The following KCNU1 variants were observed in gnomAD, a reference collection of about 807,000 sequenced individuals.
KCNU1 encodes the protein potassium calcium-activated channel subfamily U member 1.
A neutral mutation model predicts 126.8 loss-of-function variants in KCNU1; 93 were observed. The observed-to-expected ratio is 0.73, with a 90% CI of 0.62 to 0.87. The LOEUF (loss-of-function observed/expected upper bound fraction) is 0.87. Ranked by LOEUF, KCNU1 falls within the 40% of genes least tolerant of loss-of-function variation. The pLI is 0.00. For missense variants in KCNU1, 1,330 were observed against 1,367.1 expected (o/e 0.97, Z 0.43); for synonymous variants, 523 against 494.2 (o/e 1.06, Z -0.77).
Position 36,845,659 on chromosome 8 carries a change from G to C in KCNU1, c.1783G>C (p.Asp595His). 6.2e-7 allele frequency: 1 copy of C among 1,601,332 alleles called. No individual in the cohort carries two copies. The highest frequency in any genetic ancestry group is 8.6e-7 in the Non-Finnish European group (1 of 1,168,536). ...GTTCTTTATTGCTGAAACTCCAAAG[G>C]ACGTCAGAAGGTAATTTTATTATTT... ...LGFFIAETPK[D>H]VRRALFYCSV... The change falls in exon 17 of 27, where the codon GAC becomes CAC. Residue 595 changes from aspartate to histidine, a missense_variant. Coordinates refer to ENST00000399881, the MANE Select transcript of KCNU1 (RefSeq NM_001031836.3).
At chr8:36,865,588 A>G (rs1156807306) in intron 19 of KCNU1, among the ~76,000 whole-genome samples, 1 of 147,696 alleles carries the variant, frequency 6.8e-6, no homozygotes, top group Non-Finnish European at 1.5e-5. Context: ...GCAATATAGA[A>G]AGACCCTGTC....
At chr8:36,841,384 C>T (rs1485580044) in intron 16 of KCNU1, among the ~76,000 whole-genome samples, 1 of 152,124 alleles carries the variant, frequency 6.6e-6, no homozygotes, top group African/African-American at 2.4e-5. Context: ...TTCCCACAAA[C>T]ACTGGCCATG....
chr8:36,869,542 G>A (rs1035045964), intron 19 of KCNU1, among the ~76,000 whole-genome samples: 3 of 152,038 alleles, frequency 2.0e-5, no homozygotes, highest in Non-Finnish European at 4.4e-5. Flanking sequence ...CAATGTCCAA[G>A]TCAGCCTTAG....
At position 36,882,210 on chromosome 8, in the gene KCNU1, G is replaced by A. The variant is rs560687223; in HGVS notation, c.2009+17689G>A. Among the ~76,000 whole-genome samples, 6 of 152,258 alleles carry A rather than the reference G, an allele frequency of 3.9e-5. No individual in the cohort carries two copies. The South Asian group carries it at 8.3e-4, about 21-fold the overall frequency. On this transcript the variant is annotated intron_variant, in intron 19 of 26. Transcript: ENST00000399881. The stretch of plus-strand genomic sequence containing the variant: ...TCATGTGAGGATGTCATTTGGATAA[G>A]CCCATTTAAAAGTCCATATTTACCA...
chr8:36,841,978 TA>T (rs140708191), intron 16 of KCNU1, among the ~76,000 whole-genome samples: 2,793 of 148,776 alleles, frequency 0.019, 61 homozygotes, highest in African/African-American at 0.059. Context: ...AAAGATCTGT[TA>T]AAAAAAAAAG....
intron 19 of KCNU1, among the ~76,000 whole-genome samples, chr8:36,893,498 C>A (rs2117455301): frequency 6.6e-6 from 1 of 152,086 alleles, no homozygotes; most frequent in South Asian, 2.1e-4. Flanking sequence ...CTAGAAAGCT[C>A]AAATAGTAAC....
At chr8:36,897,397 T>C (rs1807239888) in intron 19 of KCNU1, among the ~76,000 whole-genome samples, 1 of 152,028 alleles carries the variant, frequency 6.6e-6, no homozygotes, top group African/African-American at 2.4e-5. Context: ...ATAAATGACT[T>C]CCAGTATTTC....
intron 1 of KCNU1, 145 bp from the exon 2 acceptor site, chr8:36,787,161 T>A (rs1802735907): frequency 3.3e-6 from 2 of 604,830 alleles, no homozygotes; most frequent in South Asian, 6.2e-5. Context: ...AAATATTGAA[T>A]AAGCAACTTC....
intron 19 of KCNU1, among the ~76,000 whole-genome samples, chr8:36,903,537 A>T (rs1357650474): frequency 6.6e-6 from 1 of 152,166 alleles, no homozygotes; most frequent in East Asian, 1.9e-4. Context: ...AAATAAAATA[A>T]GTAAGTGTGT....
At chr8:36,905,864 T>A in intron 20 of KCNU1, 60 bp downstream of exon 20, 1 of 820,128 alleles carries the variant, frequency 1.2e-6, no homozygotes, top group Non-Finnish European at 2.0e-6. Flanking sequence ...GGGTAAGTGA[T>A]GTTCTTGTTA....
intron 11 of KCNU1, 149 bp downstream of exon 11, chr8:36,833,808 G>A (rs998831201): frequency 1.9e-6 from 1 of 539,838 alleles, no homozygotes; most frequent in East Asian, 3.2e-5. Context: ...CAATTGTAAA[G>A]GAGGTGTAGT....
At chr8:36,905,611 C>G in intron 19 of KCNU1, 97 bp from the exon 20 acceptor site, 1 of 760,380 alleles carries the variant, frequency 1.3e-6, no homozygotes, top group Admixed American at 1.8e-5. Context: ...TGCTATTCTC[C>G]TCTTTGAGCT....
Position 36,935,732 on chromosome 8 carries a change from C to G in KCNU1, c.3262C>G (p.Pro1088Ala), listed in dbSNP as rs1323912071. ...IDSVTETLYS[P>A]VYSYQPRTNS... is the part of the protein sequence containing the mutation. ...TTCAGTTACTGAGACATTGTATTCA[C>G]CAGTCTATTCTTACCAGCCGAGAAC... Residue 1088 changes from proline (P) to alanine (A), a missense_variant, in exon 27 of 27, where the codon CCA (proline) becomes GCA (alanine). By Grantham distance (27) the Pro-to-Ala change is conservative (BLOSUM62 -1). Transcript: ENST00000399881. 1.2e-6 allele frequency: 2 copies of G among 1,612,714 alleles called. No individual in the cohort carries two copies. The highest frequency in any genetic ancestry group is 2.7e-5 in the African/African-American group (2 of 74,816).
chr8:36,860,081 A>ATT (rs5890887), intron 18 of KCNU1, among the ~76,000 whole-genome samples: 142 of 151,682 alleles, frequency 9.4e-4, no homozygotes, highest in African/African-American at 3.0e-3. Flanking sequence ...CCATTACCTG[A>ATT]TTTTTTTTAA....
In KCNU1 at chr8:36,820,874, G is replaced by A. The variant is rs529399741; in HGVS notation, c.1106+3114G>A. ...AGGCTCTCAGTCAGGCAAAGGGGCTGCAAAGAAGCTTACAGACATTCTTCT... is the reference window on the plus strand; with the variant it reads ...AGGCTCTCAGTCAGGCAAAGGGGCTACAAAGAAGCTTACAGACATTCTTCT... On this transcript the variant is annotated intron_variant, in intron 10 of 26. Transcript: ENST00000399881. Among the ~76,000 whole-genome samples the A allele has an allele frequency of 1.9e-4, 29 of 152,290 alleles. No individual in the cohort carries two copies. In the South Asian group the frequency reaches 5.8e-3, roughly 31 times the overall value.
intron 18 of KCNU1, among the ~76,000 whole-genome samples, chr8:36,860,297 T>C (rs1302069035): frequency 6.6e-6 from 1 of 152,126 alleles, no homozygotes; most frequent in African/African-American, 2.4e-5. Flanking sequence ...CAGGATGGTC[T>C]CAATCTCCTG....
chr8:36,870,520 G>A (rs768260136), intron 19 of KCNU1, among the ~76,000 whole-genome samples: 10 of 152,104 alleles, frequency 6.6e-5, no homozygotes, highest in Non-Finnish European at 4.4e-5. Context: ...CCTCAATGAT[G>A]TCTGAACTCC....
intron 26 of KCNU1, 118 bp downstream of exon 26, chr8:36,933,150 C>A (rs956502519): frequency 1.1e-5 from 7 of 636,308 alleles, no homozygotes; most frequent in Admixed American, 5.7e-5. Flanking sequence ...AGGAAGGGTG[C>A]ATGGGAAATA....
intron 16 of KCNU1, among the ~76,000 whole-genome samples, chr8:36,845,093 C>G (rs10087501): frequency 0.2 from 30,549 of 152,150 alleles, 3,367 homozygotes; most frequent in Admixed American, 0.32. Context: ...AAAAGAAACG[C>G]ACAACCTCAA....
Sources: allele counts gnomAD v4.1 joint callset (sites outside exome capture counted in the v4.1 genomes callset), GRCh38; gene constraint gnomAD v4.1.1; transcripts MANE v1.5; gene names NCBI Gene and HGNC (gene_info 2026-07-23, HGNC 2026-07-21).